Variants in LPAR1 observed in about 807,000 individuals in gnomAD.
LPAR1 encodes LPA receptor 1.
Under a neutral mutation model 23.8 loss-of-function variants are expected in LPAR1, and 5 were observed. The observed-to-expected ratio is 0.21, with a 90% confidence interval of 0.11 to 0.44. The LOEUF is 0.44. LPAR1 is among the 20% of genes least tolerant of loss of function. The pLI is 0.99. For missense variants in LPAR1, 311 were observed against 482.8 expected (o/e 0.64, Z 3.33); for synonymous variants, 160 against 164.7 (o/e 0.97, Z 0.22).
intron 4 of LPAR1, among the ~76,000 whole-genome samples, chr9:110,951,963 A>G (rs1315122432): frequency 6.6e-6 from 1 of 152,262 alleles, no homozygotes; most frequent in Non-Finnish European, 1.5e-5. Flanking sequence ...AATTTGCACA[A>G]GGATGCATGC....
At chr9:110,971,684 A>G (rs907060235) in intron 4 of LPAR1, among the ~76,000 whole-genome samples, 1 of 152,184 alleles carries the variant, frequency 6.6e-6, no homozygotes, top group Admixed American at 6.6e-5. Context: ...AAAACTTGTT[A>G]TAAAATTAGA....
At chr9:110,883,869 G>A (rs760658709) in intron 5 of LPAR1, among the ~76,000 whole-genome samples, 4 of 152,242 alleles carry the variant, frequency 2.6e-5, no homozygotes, top group African/African-American at 7.2e-5. Flanking sequence ...AGCTTCCACT[G>A]AGGGCTGCTT....
chr9:110,956,245 G>C lies in LPAR1; in HGVS notation c.46-14077C>G, dbSNP rs529981072. On this transcript the variant is annotated intron_variant, in intron 4 of 5. Coordinates refer to ENST00000683809, the MANE Select transcript of LPAR1 (RefSeq NM_001351411.2). ...CACATGGGGGCCTGTCGGGGGGTTG[G>C]GGGGCTAGGGGAGGGATAGCATTAG... 4.6e-5 allele frequency among the ~76,000 whole-genome samples: 7 copies of C among 151,642 alleles called. No individual in the cohort carries two copies. In the South Asian group the frequency reaches 6.3e-4, roughly 14 times the overall value.
intron 2 of LPAR1, among the ~76,000 whole-genome samples, chr9:111,021,576 G>A (rs973618328): frequency 3.3e-5 from 5 of 152,060 alleles, no homozygotes; most frequent in Admixed American, 3.3e-4. Flanking sequence ...ATAAACATAA[G>A]ATAATCATAT....
intron 5 of LPAR1, among the ~76,000 whole-genome samples, chr9:110,910,430 A>G (rs548040897): frequency 1.3e-5 from 2 of 152,348 alleles, no homozygotes; most frequent in African/African-American, 4.8e-5. Flanking sequence ...CTCATTGACA[A>G]TGTACCTAGT....
intron 5 of LPAR1, among the ~76,000 whole-genome samples, chr9:110,933,667 A>C (rs1356652526): frequency 1.3e-5 from 2 of 152,196 alleles, no homozygotes; most frequent in Non-Finnish European, 2.9e-5. Flanking sequence ...TCATTTAAGA[A>C]ATCTTTGCAT....
intron 2 of LPAR1, among the ~76,000 whole-genome samples, chr9:110,974,861 AC>A (rs2096520424): frequency 6.6e-6 from 1 of 152,052 alleles, no homozygotes; most frequent in Admixed American, 6.6e-5. Flanking sequence ...AATTACAGGA[AC>A]CCCAAGGTGC....
In LPAR1 at chr9:110,873,411, C is replaced by T. The variant is rs6833; in HGVS notation, c.*2010G>A. On this transcript the variant is annotated 3_prime_UTR_variant, in exon 6 of 6. Transcript: ENST00000683809. Reference sequence around the variant, plus strand: ...AGTATTCTGTATTTTGTATAAAGTACGTGCAAACACCTTTCTGCTAATCGG... The same window carrying T: ...AGTATTCTGTATTTTGTATAAAGTATGTGCAAACACCTTTCTGCTAATCGG... 60,640 of 152,006 alleles carry T rather than the reference C, an allele frequency of 0.4. 12,359 individuals are homozygous for T. The highest frequency in any genetic ancestry group is 0.51 in the East Asian group (2,655 of 5,176). 9.4% of individuals were successfully genotyped at this position (152,006 alleles called of 1,614,324 possible).
chr9:111,024,482 AT>A (rs1402752497), intron 2 of LPAR1, among the ~76,000 whole-genome samples: 2 of 146,614 alleles, frequency 1.4e-5, no homozygotes, highest in East Asian at 2.0e-4. Flanking sequence ...ATACATACAT[AT>A]TTTTATATAT....
At chr9:110,879,731 GC>G (rs2080202144) in intron 5 of LPAR1, among the ~76,000 whole-genome samples, 1 of 152,172 alleles carries the variant, frequency 6.6e-6, no homozygotes, top group African/African-American at 2.4e-5. Context: ...TAAAGTAAAG[GC>G]AAAACTATTT....
intron 2 of LPAR1, among the ~76,000 whole-genome samples, chr9:111,023,105 G>T (rs1178361494): frequency 2.7e-5 from 4 of 145,472 alleles, no homozygotes; most frequent in African/African-American, 7.7e-5. Context: ...ATACTATATT[G>T]CTCTAATACA....
intron 5 of LPAR1, among the ~76,000 whole-genome samples, chr9:110,924,663 T>A (rs531252986): frequency 4.6e-5 from 7 of 150,862 alleles, no homozygotes; most frequent in African/African-American, 1.7e-4. Flanking sequence ...CAATACACTA[T>A]CTCTTAGAAA....
intron 4 of LPAR1, chr9:110,945,303 G>A (rs769229959): frequency 6.6e-6 from 1 of 152,062 alleles, no homozygotes; most frequent in Admixed American, 6.6e-5. Context: ...AGATAGTCAG[G>A]GCTATAATGA....
At chr9:110,909,335 C>G (rs543976942) in intron 5 of LPAR1, among the ~76,000 whole-genome samples, 6 of 151,904 alleles carry the variant, frequency 3.9e-5, no homozygotes, top group Admixed American at 1.3e-4. Flanking sequence ...GATCCTAGCA[C>G]CTTCTTGTAC....
Position 110,993,538 on chromosome 9 carries a change from G to A in LPAR1, c.-181-19980C>T, listed in dbSNP as rs528879918. ...CATGGGAAGGTAGCCCAGAGTTTGT[G>A]TCAAAGCCTGAAAGGTGAGGGGTCA... On this transcript the variant is annotated intron_variant, in intron 2 of 5. Coordinates refer to ENST00000683809, the MANE Select transcript of LPAR1 (RefSeq NM_001351411.2). Among the ~76,000 whole-genome samples the A allele has an allele frequency of 1.2e-4, 19 of 152,220 alleles. No individual in the cohort carries two copies. In the East Asian group the frequency reaches 3.5e-3, roughly 28 times the overall value.
chr9:110,992,519 T>C (rs1218665870), intron 2 of LPAR1, among the ~76,000 whole-genome samples: 1 of 152,198 alleles, frequency 6.6e-6, no homozygotes, highest in East Asian at 1.9e-4. Context: ...TAGTTGTCTA[T>C]ACAAAGACTT....
intron 2 of LPAR1, among the ~76,000 whole-genome samples, chr9:111,022,357 A>G (rs1484450460): frequency 1.3e-5 from 2 of 152,202 alleles, no homozygotes; most frequent in Non-Finnish European, 2.9e-5. Flanking sequence ...CAGCAATGGA[A>G]GAACTGGCAA....
At chr9:110,989,732 C>T (rs892266793) in intron 2 of LPAR1, among the ~76,000 whole-genome samples, 3 of 151,934 alleles carry the variant, frequency 2.0e-5, no homozygotes, top group Admixed American at 2.0e-4. Context: ...TAAACATAAC[C>T]ATATGAAAAC....
intron 2 of LPAR1, among the ~76,000 whole-genome samples, chr9:110,982,997 T>C (rs1427387345): frequency 2.0e-5 from 3 of 151,500 alleles, no homozygotes; most frequent in African/African-American, 7.3e-5. Context: ...AAGATAGCCA[T>C]TATCAAAAAA....
Sources: gnomAD v4.1 joint callset for allele counts (sites outside exome capture counted in the v4.1 genomes callset) on GRCh38, gnomAD v4.1.1 for gene constraint, MANE v1.5 for transcripts, NCBI Gene and HGNC (gene_info 2026-07-23, HGNC 2026-07-21) for gene names.